Variants in SCAPER observed in about 807,000 individuals in gnomAD.
The protein encoded by SCAPER is S phase cyclin A-associated protein in the endoplasmic reticulum.
In SCAPER, 98 loss-of-function variants were observed where a neutral mutation model predicts 182.2. The observed-to-expected ratio is 0.54, with a 90% confidence interval of 0.46 to 0.64. The LOEUF is 0.64. SCAPER is among the 30% of genes least tolerant of loss of function. The probability of loss-of-function intolerance (pLI) is 0.00; values close to 1 mark genes in which losing one functional copy is unlikely to be tolerated. For missense variants in SCAPER, 1,432 were observed against 1,690.0 expected (o/e 0.85, Z 2.68); for synonymous variants, 605 against 564.6 (o/e 1.07, Z -1.01).
intron 26 of SCAPER, among the ~76,000 whole-genome samples, chr15:76,422,347 T>G (rs940738005): frequency 3.3e-5 from 5 of 152,198 alleles, no homozygotes; most frequent in African/African-American, 1.2e-4. Flanking sequence ...CCCTTGTAAG[T>G]TGGATTCCTA....
intron 22 of SCAPER, among the ~76,000 whole-genome samples, chr15:76,610,760 G>A (rs1489002660): frequency 6.6e-6 from 1 of 152,080 alleles, no homozygotes; most frequent in East Asian, 1.9e-4. Context: ...ATAAAACACT[G>A]ATTAAGGAAA....
intron 26 of SCAPER, among the ~76,000 whole-genome samples, chr15:76,432,485 G>A (rs1248498076): frequency 6.6e-6 from 1 of 152,218 alleles, no homozygotes; most frequent in Non-Finnish European, 1.5e-5. Flanking sequence ...AGCAAATACA[G>A]AGGAGTGCAT....
intron 23 of SCAPER, among the ~76,000 whole-genome samples, chr15:76,525,784 T>C (rs144362319): frequency 6.4e-4 from 98 of 152,370 alleles, no homozygotes; most frequent in African/African-American, 2.2e-3. Flanking sequence ...GTTGATTCCA[T>C]GTCTTTACTA....
At chr15:76,622,157 C>T (rs1227732505) in intron 21 of SCAPER, among the ~76,000 whole-genome samples, 1 of 152,130 alleles carries the variant, frequency 6.6e-6, no homozygotes, top group Non-Finnish European at 1.5e-5. Flanking sequence ...TACTTCTCTG[C>T]CCCTTTCTAA....
intron 26 of SCAPER, among the ~76,000 whole-genome samples, chr15:76,412,292 G>C (rs919559084): frequency 6.6e-6 from 1 of 152,016 alleles, no homozygotes; most frequent in Admixed American, 6.6e-5. Context: ...GTCAAAATCC[G>C]TAAGATATTT....
chr15:76,424,775 T>A (rs528048261), intron 26 of SCAPER, among the ~76,000 whole-genome samples: 25 of 152,346 alleles, frequency 1.6e-4, no homozygotes, highest in Non-Finnish European at 2.4e-4. Flanking sequence ...CTTTCCATGT[T>A]TAGTGCTTCC....
intron 5 of SCAPER, among the ~76,000 whole-genome samples, chr15:76,811,543 C>G (rs576617216): frequency 5.3e-5 from 8 of 152,196 alleles, no homozygotes; most frequent in Admixed American, 3.9e-4. Flanking sequence ...GTAATCCCAG[C>G]AGTTTGGGAG....
intron 22 of SCAPER, among the ~76,000 whole-genome samples, chr15:76,583,410 A>G (rs2048410334): frequency 6.6e-6 from 1 of 152,106 alleles, no homozygotes; most frequent in Non-Finnish European, 1.5e-5. Flanking sequence ...AAAGCAAAAA[A>G]TGGACAAATG....
At chr15:76,855,526 G>T (rs1015911892) in intron 4 of SCAPER, among the ~76,000 whole-genome samples, 1 of 148,494 alleles carries the variant, frequency 6.7e-6, no homozygotes, top group Non-Finnish European at 1.5e-5. Flanking sequence ...CCATGCATCT[G>T]ACAGAGGTTT....
At chr15:76,651,545 C>T (rs1013562907) in intron 21 of SCAPER, among the ~76,000 whole-genome samples, 1 of 141,154 alleles carries the variant, frequency 7.1e-6, no homozygotes, top group East Asian at 2.1e-4. Flanking sequence ...AATCCAAGCA[C>T]AAGACTGAAT....
At chr15:76,846,842 C>T (rs1356434927) in intron 4 of SCAPER, among the ~76,000 whole-genome samples, 1 of 151,954 alleles carries the variant, frequency 6.6e-6, no homozygotes, top group Non-Finnish European at 1.5e-5. Flanking sequence ...TCCAGCAAAC[C>T]CACTGCTGGG....
At chr15:76,418,296 CAG>C (rs2045797345) in intron 26 of SCAPER, among the ~76,000 whole-genome samples, 1 of 152,192 alleles carries the variant, frequency 6.6e-6, no homozygotes, top group South Asian at 2.1e-4. Flanking sequence ...GGCATTAGCT[CAG>C]AGTCAGGGAG....
intron 21 of SCAPER, among the ~76,000 whole-genome samples, chr15:76,639,097 G>C (rs898312332): frequency 6.6e-6 from 1 of 152,164 alleles, no homozygotes; most frequent in Non-Finnish European, 1.5e-5. Flanking sequence ...TTGCCAGAAA[G>C]AGACACTTTA....
chr15:76,607,838 T>C (rs1016197004), intron 22 of SCAPER, among the ~76,000 whole-genome samples: 4 of 152,222 alleles, frequency 2.6e-5, no homozygotes, highest in African/African-American at 9.7e-5. Flanking sequence ...ATTCGTCACG[T>C]AGCTCTTGTG....
intron 5 of SCAPER, among the ~76,000 whole-genome samples, chr15:76,835,888 A>C (rs1479955570): frequency 6.6e-6 from 1 of 151,160 alleles, no homozygotes; most frequent in Non-Finnish European, 1.5e-5. Context: ...AGTAACGTTC[A>C]ACCTGAGAAC....
In SCAPER at chr15:76,574,189, A is replaced by G; in HGVS notation, c.2807T>C (p.Leu936Pro). The change falls in exon 23 of 32, where the codon CTA (leucine) becomes CCA (proline). Residue 936 changes from leucine (L) to proline (P), a missense_variant. Leu to Pro is a moderately conservative substitution (Grantham distance 98). Coordinates refer to ENST00000563290, the MANE Select transcript of SCAPER (RefSeq NM_020843.4). Reference sequence around the variant, plus strand: ...TTCCAGTATTCTAGTGATCTCTCCTAGGGTCCGATCCAAAGCAGACACTTT... The same window carrying G: ...TTCCAGTATTCTAGTGATCTCTCCTGGGGTCCGATCCAAAGCAGACACTTT... Reference protein sequence around the residue: ...NNKVSALDRTLGEITRILEKE... With the variant: ...NNKVSALDRTPGEITRILEKE... The G allele has an allele frequency of 6.2e-7, 1 of 1,609,144 alleles. No individual in the cohort carries two copies. Among genetic ancestry groups the G allele is most frequent in the African/African-American group, 1.3e-5 (1 of 74,998 alleles).
intron 21 of SCAPER, among the ~76,000 whole-genome samples, chr15:76,632,910 GATTA>G (rs2053248048): frequency 6.6e-6 from 1 of 151,720 alleles, no homozygotes; most frequent in Non-Finnish European, 1.5e-5. Flanking sequence ...GGTTAGCTGG[GATTA>G]CAGGCATGCA....
At chr15:76,457,077 T>C (rs1319224263) in intron 25 of SCAPER, among the ~76,000 whole-genome samples, 2 of 152,120 alleles carry the variant, frequency 1.3e-5, no homozygotes, top group Non-Finnish European at 2.9e-5. Flanking sequence ...TTTTTTTTTT[T>C]TTTTAGATGG....
chr15:76,422,493 T>A (rs1342138070), intron 26 of SCAPER, among the ~76,000 whole-genome samples: 1 of 152,226 alleles, frequency 6.6e-6, no homozygotes, highest in Non-Finnish European at 1.5e-5. Context: ...TTGCTGAAGT[T>A]ACTTATCAGC....
Sources: gnomAD v4.1 joint callset for allele counts (sites outside exome capture counted in the v4.1 genomes callset) on GRCh38, gnomAD v4.1.1 for gene constraint, MANE v1.5 for transcripts, NCBI Gene and HGNC (gene_info 2026-07-23, HGNC 2026-07-21) for gene names.